IL16: variants seen among roughly 807,000 people sequenced by gnomAD.
IL16 encodes the protein interleukin 16.
IL16 carries 67 observed loss-of-function variants against 110.1 expected under a neutral mutation model. That is an observed-to-expected ratio of 0.61 (90% CI 0.50 to 0.75). IL16 has a LOEUF of 0.75. Ranked by LOEUF, IL16 falls within the 30% of genes least tolerant of loss-of-function variation. IL16 has a pLI of 0.00. For missense variants in IL16, 1,545 were observed against 1,655.0 expected (o/e 0.93, Z 1.15); for synonymous variants, 689 against 662.9 (o/e 1.04, Z -0.61).
intron 1 of IL16, among the ~76,000 whole-genome samples, chr15:81,205,233 G>C (rs539043303): frequency 6.7e-6 from 1 of 149,322 alleles, no homozygotes; most frequent in East Asian, 2.0e-4. Context: ...TTGAATCTGG[G>C]AGGCGGAGGT....
chr15:81,225,685 A>G lies in IL16; in HGVS notation c.286A>G (p.Thr96Ala). 6.2e-7 allele frequency: 1 copy of G among 1,612,180 alleles called. No individual in the cohort carries two copies. Among genetic ancestry groups the G allele is most frequent in the Non-Finnish European group, 8.5e-7 (1 of 1,178,634 alleles). Residue 96 changes from threonine (T) to alanine (A), a missense_variant, in exon 2 of 19, where the codon ACC (threonine) becomes GCC (alanine). By Grantham distance (58) the Thr-to-Ala change is moderately conservative. Transcript: ENST00000683961. ...AGCAGCTGGGAATGATCGAGGCAAG[A>G]CCTGTAGGAGGATATTCTTCATGAA... ...LQAAGNDRGK[T>A]CRRIFFMKES...
At chr15:81,291,679 T>C (rs79652543) in intron 11 of IL16, among the ~76,000 whole-genome samples, 2,460 of 152,142 alleles carry the variant, frequency 0.016, 68 homozygotes, top group African/African-American at 0.057. Context: ...GATGTGTGGG[T>C]AGCCCTAGTG....
At chr15:81,217,071 C>A (rs1896461622) in intron 1 of IL16, among the ~76,000 whole-genome samples, 2 of 151,976 alleles carry the variant, frequency 1.3e-5, no homozygotes, top group African/African-American at 4.8e-5. Flanking sequence ...GTAGCTAAAG[C>A]AGAAATAAAT....
At chr15:81,204,221 G>T (rs911436661) in intron 1 of IL16, among the ~76,000 whole-genome samples, 2 of 151,884 alleles carry the variant, frequency 1.3e-5, no homozygotes, top group Non-Finnish European at 2.9e-5. Context: ...GGAGATTTTG[G>T]GCTGAGACGA....
At chr15:81,222,011 C>T (rs938496498) in intron 1 of IL16, among the ~76,000 whole-genome samples, 2 of 152,282 alleles carry the variant, frequency 1.3e-5, no homozygotes, top group Admixed American at 1.3e-4. Flanking sequence ...GCACCTAGCC[C>T]CAAAGGCCCC....
chr15:81,268,278 A>G (rs1260557610), intron 4 of IL16, among the ~76,000 whole-genome samples: 3 of 152,226 alleles, frequency 2.0e-5, no homozygotes, highest in Non-Finnish European at 4.4e-5. Context: ...CTAGTAATAA[A>G]GAAAACATGC....
chr15:81,279,918 C>G (rs1352560213), intron 8 of IL16, 144 bp downstream of exon 8: 2 of 688,312 alleles, frequency 2.9e-6, no homozygotes, highest in African/African-American at 1.8e-5. Flanking sequence ...GGAGCCAGGT[C>G]GAGTCTTCTG....
chr15:81,244,245 A>G (rs60145452), intron 2 of IL16, among the ~76,000 whole-genome samples: 5,084 of 152,224 alleles, frequency 0.033, 205 homozygotes, highest in African/African-American at 0.1. Context: ...AAGAGAAGAA[A>G]AGTCTATTGT....
chr15:81,223,904 T>A (rs539351703), intron 1 of IL16, among the ~76,000 whole-genome samples: 1 of 152,244 alleles, frequency 6.6e-6, no homozygotes, highest in African/African-American at 2.4e-5. Flanking sequence ...TTACTATCAT[T>A]TGAGATGGAA....
intron 11 of IL16, 131 bp from the exon 12 acceptor site, chr15:81,292,425 C>T (rs1261659527): frequency 7.5e-7 from 1 of 1,340,126 alleles, no homozygotes; most frequent in African/African-American, 1.4e-5. Flanking sequence ...ACTCCAGATC[C>T]ACAGTGACTT....
rs1255255503 is a variant in IL16, at chr15:81,211,395, G to A, written c.-101-13904G>A. Among the ~76,000 whole-genome samples, 3 of 152,094 alleles carry A rather than the reference G, an allele frequency of 2.0e-5. 1 individual carries two copies. The highest frequency in any genetic ancestry group is 2.0e-4 in the Admixed American group (3 of 15,270). On this transcript the variant is annotated intron_variant, in intron 1 of 18. Coordinates refer to ENST00000683961, the MANE Select transcript of IL16 (RefSeq NM_172217.5). ...GCCTCCCAAGTAGCTGGGATTACAG[G>A]CATGCACCACCATGCTCAGCTAATT... is the stretch of plus-strand genomic sequence containing the variant.
chr15:81,253,261 G>T (rs921625247), intron 2 of IL16, among the ~76,000 whole-genome samples: 9 of 151,964 alleles, frequency 5.9e-5, no homozygotes, highest in African/African-American at 2.2e-4. Flanking sequence ...CTAGTCTCTT[G>T]TATATCATTT....
rs1295243509 is a variant in IL16, at chr15:81,299,861, C to A, written c.2535C>A (p.Ser845=). The A allele has an allele frequency of 3.7e-6, 6 of 1,613,770 alleles. No individual in the cohort carries two copies. In the East Asian group the frequency reaches 1.3e-4, roughly 36 times the overall value. ...CCTCCATCAGGCAGAGAATCAGCTC[C>A]TTTGAAACCTTTGGCTCCTCTCAAC... ...SSSSIRQRIS[S]FETFGSSQLP... is the part of the protein sequence containing the mutation. The change falls in exon 14 of 19, where the codon TCC becomes TCA. Residue 845 remains serine (S), a synonymous_variant. Transcript: ENST00000683961.
chr15:81,285,724 G>A lies in IL16; in HGVS notation c.1226G>A (p.Ser409Asn). ...LRCGDEIVEISDSPVHCLTLN... is the reference protein window; with the variant it reads ...LRCGDEIVEINDSPVHCLTLN... Reference sequence around the variant, plus strand: ...TGTGGGGACGAGATTGTGGAAATCAGTGATTCCCCTGTGCACTGCCTGACG... The same window carrying A: ...TGTGGGGACGAGATTGTGGAAATCAATGATTCCCCTGTGCACTGCCTGACG... Residue 409 changes from serine to asparagine, a missense_variant, in exon 10 of 19, where the codon AGT becomes AAT. Physicochemically the swap from Ser to Asn is conservative, Grantham distance 46. Transcript: ENST00000683961. 1 of 1,614,104 alleles carries A rather than the reference G, an allele frequency of 6.2e-7. No individual in the cohort carries two copies. Among genetic ancestry groups the A allele is most frequent in the Non-Finnish European group, 8.5e-7 (1 of 1,179,964 alleles).
At chr15:81,189,001 G>C (rs945978678) in intron 1 of IL16, among the ~76,000 whole-genome samples, 1 of 152,140 alleles carries the variant, frequency 6.6e-6, no homozygotes, top group Non-Finnish European at 1.5e-5. Flanking sequence ...GGAGTGCAGT[G>C]GTATGATCAA....
rs1021693022 is a variant in IL16, at chr15:81,279,665, C to T, written c.972C>T (p.Ser324=). ...CACTGTGCCGCTCCCTGAGCTCCAG[C>T]ACTTGTATCACCAAGGACAGCAGCT... is the stretch of plus-strand genomic sequence containing the variant. ...SPPLCRSLSS[S]TCITKDSSSF... Residue 324 remains serine (S), a synonymous_variant, in exon 8 of 19, where the codon AGC becomes AGT. Transcript: ENST00000683961. 26 of 1,614,252 alleles carry T rather than the reference C, an allele frequency of 1.6e-5. No individual in the cohort carries two copies. In the Middle Eastern group the frequency reaches 4.9e-4, roughly 31 times the overall value.
At chr15:81,263,987 A>G (rs573847781) in intron 3 of IL16, among the ~76,000 whole-genome samples, 2 of 152,222 alleles carry the variant, frequency 1.3e-5, no homozygotes, top group Non-Finnish European at 2.9e-5. Context: ...CATCATCTGC[A>G]CAGGCTGACA....
intron 2 of IL16, among the ~76,000 whole-genome samples, chr15:81,228,531 C>T (rs1263379641): frequency 6.6e-6 from 1 of 151,954 alleles, no homozygotes; most frequent in Non-Finnish European, 1.5e-5. Context: ...ACCATGTTGG[C>T]TGAGCTGGTT....
intron 6 of IL16, among the ~76,000 whole-genome samples, chr15:81,275,222 A>T (rs1211066891): frequency 1.3e-5 from 2 of 151,368 alleles, no homozygotes; most frequent in Non-Finnish European, 2.9e-5. Context: ...TCCCTGGATG[A>T]CCACGAGATG....
Sources: allele counts gnomAD v4.1 joint callset (sites outside exome capture counted in the v4.1 genomes callset), GRCh38; gene constraint gnomAD v4.1.1; transcripts MANE v1.5; gene names NCBI Gene and HGNC (gene_info 2026-07-23, HGNC 2026-07-21).